Variants in CACNG3 observed in about 807,000 individuals in gnomAD.
CACNG3 encodes calcium voltage-gated channel auxiliary subunit gamma 3, also known as voltage-dependent calcium channel gamma-3 subunit.
A neutral mutation model predicts 28.5 loss-of-function variants in CACNG3; 3 were observed. That is an observed-to-expected ratio of 0.11 (90% confidence interval 0.05 to 0.27). CACNG3 has a LOEUF of 0.27. CACNG3 is among the 10% of genes least tolerant of loss of function. CACNG3 has a pLI of 1.00. For missense variants in CACNG3, 236 were observed against 414.4 expected (o/e 0.57, Z 3.74); for synonymous variants, 174 against 162.2 (o/e 1.07, Z -0.55).
chr16:24,277,583 TG>T (rs1209807743), intron 1 of CACNG3, among the ~76,000 whole-genome samples: 2 of 152,104 alleles, frequency 1.3e-5, no homozygotes, highest in Admixed American at 6.6e-5. Context: ...GAGACCAGGC[TG>T]GCCGAAATGG....
At chr16:24,306,679 G>C (rs937598179) in intron 1 of CACNG3, among the ~76,000 whole-genome samples, 11 of 151,998 alleles carry the variant, frequency 7.2e-5, no homozygotes, top group African/African-American at 2.7e-4. Flanking sequence ...AGTTTGCATC[G>C]GGCAGGATAC....
chr16:24,260,166 A>T (rs914216955), intron 1 of CACNG3, among the ~76,000 whole-genome samples: 1 of 152,176 alleles, frequency 6.6e-6, no homozygotes, highest in Non-Finnish European at 1.5e-5. Context: ...CTTGTAGCTG[A>T]ATTTGGCCCA....
chr16:24,291,919 G>A (rs965068460), intron 1 of CACNG3, among the ~76,000 whole-genome samples: 6 of 152,140 alleles, frequency 3.9e-5, no homozygotes, highest in African/African-American at 1.2e-4. Flanking sequence ...GACAGTATGG[G>A]GATGAAGGAA....
At chr16:24,293,316 A>AGATG (rs547025561) in intron 1 of CACNG3, among the ~76,000 whole-genome samples, 33 of 152,162 alleles carry the variant, frequency 2.2e-4, no homozygotes, top group Non-Finnish European at 4.7e-4. Context: ...GGATGGGTCT[A>AGATG]GATGACCTCA....
intron 1 of CACNG3, among the ~76,000 whole-genome samples, chr16:24,318,319 G>A (rs1899414166): frequency 6.6e-6 from 1 of 152,156 alleles, no homozygotes; most frequent in East Asian, 1.9e-4. Context: ...AGCCTCCCAG[G>A]TAGCTGGGAC....
At chr16:24,290,418 A>T (rs1038184338) in intron 1 of CACNG3, among the ~76,000 whole-genome samples, 2 of 152,188 alleles carry the variant, frequency 1.3e-5, no homozygotes, top group Non-Finnish European at 2.9e-5. Flanking sequence ...CACGAAGAGA[A>T]GCCTGTTCAA....
At chr16:24,257,522 A>G (rs1898482263) in intron 1 of CACNG3, among the ~76,000 whole-genome samples, 1 of 152,026 alleles carries the variant, frequency 6.6e-6, no homozygotes, top group Non-Finnish European at 1.5e-5. Flanking sequence ...AGATATTGTC[A>G]TGAACTTCCA....
intron 1 of CACNG3, among the ~76,000 whole-genome samples, chr16:24,306,286 C>T (rs570430806): frequency 2.0e-5 from 3 of 152,296 alleles, no homozygotes; most frequent in South Asian, 4.1e-4. Context: ...TTCTTCCTTC[C>T]GGGCTTTTCG....
rs558951538 is a variant in CACNG3, at chr16:24,334,401, T to C, written c.212-12333T>C. Among the ~76,000 whole-genome samples, 141 of 152,254 alleles carry C rather than the reference T, an allele frequency of 9.3e-4. 1 individual carries two copies. Among genetic ancestry groups the C allele is most frequent in the African/African-American group, 3.3e-3 (135 of 41,538 alleles). On this transcript the variant is annotated intron_variant, in intron 1 of 3. Coordinates refer to ENST00000005284, the MANE Select transcript of CACNG3 (RefSeq NM_006539.4). ...CCTCACTCTGAGCACATCATGACTGTCCAGAGCCTGCTCTGAAGTGATGTC... is the reference window on the plus strand; with the variant it reads ...CCTCACTCTGAGCACATCATGACTGCCCAGAGCCTGCTCTGAAGTGATGTC...
chr16:24,351,609 G>A (rs1180029425), intron 2 of CACNG3, among the ~76,000 whole-genome samples: 1 of 123,790 alleles, frequency 8.1e-6, no homozygotes, highest in Admixed American at 8.2e-5. Context: ...GGAAGGGGAA[G>A]GGGAAGGGGA....
chr16:24,293,452 C>T (rs570284420), intron 1 of CACNG3, among the ~76,000 whole-genome samples: 88 of 152,220 alleles, frequency 5.8e-4, no homozygotes, highest in South Asian at 3.1e-3. Context: ...TCTCCACACC[C>T]GATGGCTGTA....
intron 1 of CACNG3, among the ~76,000 whole-genome samples, chr16:24,302,448 AT>A (rs1033949126): frequency 1.3e-5 from 2 of 151,158 alleles, no homozygotes; most frequent in Non-Finnish European, 3.0e-5. Context: ...CCAGGTATTG[AT>A]TTTTTTTTAT....
intron 1 of CACNG3, among the ~76,000 whole-genome samples, chr16:24,295,691 T>A (rs1383091355): frequency 6.6e-6 from 1 of 151,342 alleles, no homozygotes; most frequent in Non-Finnish European, 1.5e-5. Context: ...CACTAAAAAT[T>A]AAAAAAAATT....
intron 1 of CACNG3, among the ~76,000 whole-genome samples, chr16:24,276,091 T>G (rs527730148): frequency 1.3e-5 from 2 of 152,336 alleles, no homozygotes; most frequent in African/African-American, 4.8e-5. Context: ...TAGGTTTTCT[T>G]CATAAACTTC....
intron 1 of CACNG3, among the ~76,000 whole-genome samples, chr16:24,345,497 T>C (rs894270443): frequency 6.6e-6 from 1 of 151,940 alleles, no homozygotes; most frequent in African/African-American, 2.4e-5. Flanking sequence ...TGTCAGGAGT[T>C]CGAGATCAGC....
At chr16:24,346,655 A>T in intron 1 of CACNG3, 79 bp from the exon 2 acceptor site, 1 of 914,174 alleles carries the variant, frequency 1.1e-6, no homozygotes, top group Non-Finnish European at 1.7e-6. Context: ...AAGGATCTGC[A>T]CATAGCGGTG....
At chr16:24,335,546 T>G (rs2047860159) in intron 1 of CACNG3, among the ~76,000 whole-genome samples, 1 of 152,350 alleles carries the variant, frequency 6.6e-6, no homozygotes, top group East Asian at 1.9e-4. Context: ...GACTTTTCTA[T>G]TCCTACTGTT....
chr16:24,302,652 T>TTTGTA (rs1175834051), intron 1 of CACNG3, among the ~76,000 whole-genome samples: 1 of 151,464 alleles, frequency 6.6e-6, no homozygotes, highest in Non-Finnish European at 1.5e-5. Context: ...TTTGTTTTGT[T>TTTGTA]TTGTTTTGTT....
At chr16:24,323,237 A>G (rs201387341) in intron 1 of CACNG3, among the ~76,000 whole-genome samples, 2,079 of 143,244 alleles carry the variant, frequency 0.015, 24 homozygotes, top group Middle Eastern at 0.028. Flanking sequence ...AAAAAAAAAA[A>G]AAAGAGAGAG....
Sources: gnomAD v4.1 joint callset for allele counts (sites outside exome capture counted in the v4.1 genomes callset) on GRCh38, gnomAD v4.1.1 for gene constraint, MANE v1.5 for transcripts, NCBI Gene and HGNC (gene_info 2026-07-23, HGNC 2026-07-21) for gene names.